SMYD3: variants seen among roughly 807,000 people sequenced by gnomAD.
The protein encoded by SMYD3 is histone-lysine N-methyltransferase SMYD3.
SMYD3 carries 36 observed loss-of-function variants against 57.7 expected under a neutral mutation model. The observed-to-expected ratio is 0.62, with a 90% confidence interval of 0.48 to 0.82. The LOEUF (loss-of-function observed/expected upper bound fraction) is 0.82. Ranked by LOEUF, SMYD3 falls within the 40% of genes least tolerant of loss-of-function variation. The probability of loss-of-function intolerance (pLI) is 0.00; values close to 1 mark genes in which losing one functional copy is unlikely to be tolerated. For synonymous variants in SMYD3, 211 were observed against 195.0 expected (o/e 1.08, Z -0.68); for missense variants, 515 against 538.8 (o/e 0.96, Z 0.44).
intron 10 of SMYD3, among the ~76,000 whole-genome samples, chr1:245,801,222 T>C (rs1391433655): frequency 6.6e-6 from 1 of 152,232 alleles, no homozygotes. Context: ...GCTAAACTTT[T>C]AAAAATGTGT....
At chr1:246,360,800 A>C (rs1289640917) in intron 1 of SMYD3, among the ~76,000 whole-genome samples, 1 of 152,218 alleles carries the variant, frequency 6.6e-6, no homozygotes, top group Non-Finnish European at 1.5e-5. Flanking sequence ...AAATCAACTC[A>C]AGATGAATCA....
At chr1:246,470,555 CTATA>C (rs1478475494) in intron 1 of SMYD3, among the ~76,000 whole-genome samples, 9 of 147,218 alleles carry the variant, frequency 6.1e-5, no homozygotes, top group Non-Finnish European at 1.2e-4. Flanking sequence ...CATACATACA[CTATA>C]TATACACACT....
intron 5 of SMYD3, among the ~76,000 whole-genome samples, chr1:246,301,840 T>C (rs956702228): frequency 3.3e-5 from 5 of 152,182 alleles, no homozygotes; most frequent in African/African-American, 1.2e-4. Flanking sequence ...AAGCAGAATA[T>C]TATACGTGTC....
chr1:245,806,601 C>T (rs891758655), intron 10 of SMYD3, among the ~76,000 whole-genome samples: 1 of 152,132 alleles, frequency 6.6e-6, no homozygotes, highest in Admixed American at 6.5e-5. Flanking sequence ...TAAAGATGAA[C>T]TTTCAAAGTG....
At chr1:246,102,944 A>G (rs2147942773) in intron 5 of SMYD3, among the ~76,000 whole-genome samples, 1 of 152,242 alleles carries the variant, frequency 6.6e-6, no homozygotes, top group Non-Finnish European at 1.5e-5. Flanking sequence ...CCACATTCTC[A>G]GCAAGATTTG....
chr1:246,440,189 A>G (rs1043832224), intron 1 of SMYD3, among the ~76,000 whole-genome samples: 1 of 152,178 alleles, frequency 6.6e-6, no homozygotes, highest in Admixed American at 6.5e-5. Context: ...TATTAAACCA[A>G]TATACACAAA....
intron 1 of SMYD3, among the ~76,000 whole-genome samples, chr1:246,384,640 G>T (rs996507181): frequency 6.6e-6 from 1 of 152,096 alleles, no homozygotes; most frequent in East Asian, 1.9e-4. Flanking sequence ...CAAGTGATCT[G>T]CCCGCCTCGG....
chr1:245,793,160 T>C (rs1412521809), intron 10 of SMYD3, among the ~76,000 whole-genome samples: 1 of 148,818 alleles, frequency 6.7e-6, no homozygotes, highest in Non-Finnish European at 1.5e-5. Flanking sequence ...ATACAAAAAA[T>C]GAGCCGGGCA....
intron 5 of SMYD3, among the ~76,000 whole-genome samples, chr1:245,980,497 T>C (rs2058568953): frequency 6.6e-6 from 1 of 152,208 alleles, no homozygotes; most frequent in Non-Finnish European, 1.5e-5. Flanking sequence ...CAAGCTAGCA[T>C]GGGAGCAGGA....
chr1:246,121,009 G>T (rs6687231), intron 5 of SMYD3, among the ~76,000 whole-genome samples: 6 of 152,090 alleles, frequency 3.9e-5, no homozygotes, highest in Non-Finnish European at 7.4e-5. Flanking sequence ...GCTACAGTGG[G>T]GATACAAAAA....
chr1:246,185,803 C>G (rs1239691662), intron 5 of SMYD3, among the ~76,000 whole-genome samples: 1 of 152,130 alleles, frequency 6.6e-6, no homozygotes, highest in Non-Finnish European at 1.5e-5. Context: ...GTATCTTGTA[C>G]AATGGTAATT....
At chr1:246,305,298 C>T (rs1325106895) in intron 5 of SMYD3, among the ~76,000 whole-genome samples, 3 of 152,048 alleles carry the variant, frequency 2.0e-5, no homozygotes, top group Non-Finnish European at 4.4e-5. Flanking sequence ...AAATGTTGAA[C>T]TCCAACAACA....
intron 5 of SMYD3, among the ~76,000 whole-genome samples, chr1:245,938,072 T>C (rs908655839): frequency 6.6e-6 from 1 of 152,232 alleles, no homozygotes; most frequent in African/African-American, 2.4e-5. Context: ...AAATGAAAGA[T>C]ACAGTGCGTG....
chr1:246,280,332 G>C (rs151328482), intron 5 of SMYD3, among the ~76,000 whole-genome samples: 1 of 152,284 alleles, frequency 6.6e-6, no homozygotes, highest in East Asian at 1.9e-4. Context: ...ATATAGTCAG[G>C]CTTTTTCTAG....
At chr1:246,363,201 G>A (rs1349248642) in intron 1 of SMYD3, among the ~76,000 whole-genome samples, 3 of 150,784 alleles carry the variant, frequency 2.0e-5, no homozygotes, top group South Asian at 4.2e-4. Flanking sequence ...ACCCCGTCTG[G>A]GAAGTGAGGA....
intron 5 of SMYD3, among the ~76,000 whole-genome samples, chr1:246,260,110 C>G (rs1224599549): frequency 6.6e-6 from 1 of 152,198 alleles, no homozygotes; most frequent in Non-Finnish European, 1.5e-5. Flanking sequence ...ATGAGGATCT[C>G]TGCACGGGAA....
intron 1 of SMYD3, among the ~76,000 whole-genome samples, chr1:246,422,639 C>G (rs928698344): frequency 3.9e-5 from 6 of 152,166 alleles, no homozygotes; most frequent in Non-Finnish European, 8.8e-5. Flanking sequence ...CCAGGCTGGT[C>G]TCGAACTCCT....
At chr1:246,175,307 C>T (rs1026084458) in intron 5 of SMYD3, among the ~76,000 whole-genome samples, 13 of 152,232 alleles carry the variant, frequency 8.5e-5, no homozygotes, top group African/African-American at 2.9e-4. Context: ...TTATAATAAA[C>T]TTAGTATTAT....
chr1:245,755,922 T>G (rs1273418266), intron 11 of SMYD3, among the ~76,000 whole-genome samples: 1 of 151,880 alleles, frequency 6.6e-6, no homozygotes, highest in African/African-American at 2.4e-5. Flanking sequence ...AATGTTATTA[T>G]TAATACATCA....
Sources: allele counts gnomAD v4.1 joint callset (sites outside exome capture counted in the v4.1 genomes callset), GRCh38; gene constraint gnomAD v4.1.1; transcripts MANE v1.5; gene names NCBI Gene and HGNC (gene_info 2026-07-23, HGNC 2026-07-21).